MAP7: variants seen among roughly 807,000 people sequenced by gnomAD.
The protein encoded by MAP7 is microtubule associated protein 7.
Under a neutral mutation model 94.8 loss-of-function variants are expected in MAP7, and 52 were observed. The ratio of observed to expected loss-of-function variants is 0.55; its 90% CI spans 0.44 to 0.69. MAP7 has a LOEUF of 0.69. Ranked by LOEUF, MAP7 falls within the 30% of genes least tolerant of loss-of-function variation. MAP7 has a pLI of 0.00. For missense variants in MAP7, 940 were observed against 964.6 expected (o/e 0.97, Z 0.34); for synonymous variants, 350 against 357.0 (o/e 0.98, Z 0.22).
intron 1 of MAP7, among the ~76,000 whole-genome samples, chr6:136,434,749 A>C (rs912914989): frequency 6.6e-6 from 1 of 152,218 alleles, no homozygotes; most frequent in African/African-American, 2.4e-5. Flanking sequence ...CCAGTCTGAA[A>C]AACACCAAAA....
intron 1 of MAP7, among the ~76,000 whole-genome samples, chr6:136,493,390 T>C (rs1817290705): frequency 6.6e-6 from 1 of 152,104 alleles, no homozygotes; most frequent in Non-Finnish European, 1.5e-5. Flanking sequence ...TCCAAAGTGC[T>C]GGGATTACAG....
intron 11 of MAP7, among the ~76,000 whole-genome samples, chr6:136,361,474 T>C (rs929775580): frequency 1.3e-5 from 2 of 152,328 alleles, no homozygotes; most frequent in Non-Finnish European, 1.5e-5. Flanking sequence ...CTCTGACTTG[T>C]TTAATTCAAA....
chr6:136,530,543 C>T (rs1244956554), intron 1 of MAP7, among the ~76,000 whole-genome samples: 1 of 123,614 alleles, frequency 8.1e-6, no homozygotes, highest in Middle Eastern at 3.6e-3. Context: ...TGGAATCAAA[C>T]AACCACTAAG....
intron 1 of MAP7, among the ~76,000 whole-genome samples, chr6:136,496,497 A>G (rs1818265058): frequency 6.6e-6 from 1 of 151,782 alleles, no homozygotes; most frequent in South Asian, 2.1e-4. Context: ...ATTCCACAAG[A>G]TCCTATCAAT....
At chr6:136,508,461 T>C (rs1822252477) in intron 1 of MAP7, among the ~76,000 whole-genome samples, 1 of 152,178 alleles carries the variant, frequency 6.6e-6, no homozygotes, top group Non-Finnish European at 1.5e-5. Context: ...ATAAAGAAAT[T>C]AATTTTTTTA....
chr6:136,460,173 G>A (rs1804713130), intron 1 of MAP7, among the ~76,000 whole-genome samples: 1 of 152,080 alleles, frequency 6.6e-6, no homozygotes, highest in South Asian at 2.1e-4. Flanking sequence ...TAGTCAATGG[G>A]GGACTATTCC....
At chr6:136,531,980 TAGAC>T (rs141382919) in intron 1 of MAP7, among the ~76,000 whole-genome samples, 3,673 of 152,294 alleles carry the variant, frequency 0.024, 154 homozygotes, top group African/African-American at 0.083. Flanking sequence ...GAGCTATACT[TAGAC>T]AGGATACAGC....
intron 1 of MAP7, among the ~76,000 whole-genome samples, chr6:136,534,104 C>T (rs1175570811): frequency 6.6e-6 from 1 of 152,122 alleles, no homozygotes; most frequent in Admixed American, 6.5e-5. Flanking sequence ...TGTTAATTTT[C>T]TTCTTGAGGG....
intron 6 of MAP7, among the ~76,000 whole-genome samples, chr6:136,381,975 T>C (rs988648122): frequency 6.8e-6 from 1 of 146,534 alleles, no homozygotes; most frequent in African/African-American, 2.6e-5. Flanking sequence ...AGGACACCCA[T>C]GAAGGTGAGA....
At chr6:136,412,296 A>G (rs541310579) in intron 2 of MAP7, among the ~76,000 whole-genome samples, 2 of 152,246 alleles carry the variant, frequency 1.3e-5, no homozygotes, top group South Asian at 2.1e-4. Flanking sequence ...AAATCACTGA[A>G]CATCTACTGT....
rs534358269 is a variant in MAP7, at chr6:136,419,725, C to T, written c.166+1976G>A. ...ATGAATAACAAAGCATATTTGCCTGCGCACCACTGCCTTTTCCCTTTCCTT... is the reference window on the plus strand; with the variant it reads ...ATGAATAACAAAGCATATTTGCCTGTGCACCACTGCCTTTTCCCTTTCCTT... On this transcript the variant is annotated intron_variant, in intron 2 of 17. Transcript: ENST00000354570. 5.6e-4 allele frequency: 109 copies of T among 193,408 alleles called. No homozygotes were observed. The South Asian group carries it at 9.0e-3, about 16-fold the overall frequency. The allele number at this position is 193,408 out of a possible 1,614,324, so 12.0% of individuals were successfully genotyped here. A position where few individuals can be genotyped will look rare whatever the true frequency, so the allele number is the denominator to read the frequency against.
chr6:136,541,974 A>T (rs1407091058), intron 1 of MAP7, among the ~76,000 whole-genome samples: 1 of 152,114 alleles, frequency 6.6e-6, no homozygotes, highest in African/African-American at 2.4e-5. Context: ...CACAAGAATC[A>T]TTTGAACCTG....
At position 136,376,350 on chromosome 6, in the gene MAP7, C is replaced by T. The variant is rs9376183; in HGVS notation, c.751+1405G>A. Among the ~76,000 whole-genome samples, 262 of 152,304 alleles carry T rather than the reference C, an allele frequency of 1.7e-3. 5 individuals are homozygous for T. In the East Asian group the frequency reaches 0.045, roughly 26 times the overall value. ...CCTGACCTCAACGATCTGCCCACCT[C>T]GGCCTCCCAAAGTGCTGGGATTACA... is the stretch of plus-strand genomic sequence containing the variant. On this transcript the variant is annotated intron_variant, in intron 7 of 17. Transcript: ENST00000354570.
chr6:136,382,316 A>C (rs986171599), intron 6 of MAP7, among the ~76,000 whole-genome samples: 5 of 152,228 alleles, frequency 3.3e-5, no homozygotes, highest in Non-Finnish European at 7.3e-5. Flanking sequence ...AAGATAATAA[A>C]GTTTTAAAGA....
chr6:136,440,940 A>G (rs1797676313), intron 1 of MAP7, among the ~76,000 whole-genome samples: 1 of 152,124 alleles, frequency 6.6e-6, no homozygotes, highest in African/African-American at 2.4e-5. Context: ...CAACAAGATC[A>G]TGCGGCACCT....
intron 15 of MAP7, among the ~76,000 whole-genome samples, chr6:136,358,857 C>G (rs928420826): frequency 3.9e-5 from 6 of 152,184 alleles, no homozygotes; most frequent in Non-Finnish European, 7.3e-5. Context: ...GAATCAGGAG[C>G]TGGGGGACCG....
Position 136,388,523 on chromosome 6 carries a change from A to G in MAP7, c.409-13T>C, listed in dbSNP as rs374114337. ...CTTCGTGGCGTTCCTTAGATGGAAT[A>G]GAAGAGCTGAGGATTAGATTCCAGC... On this transcript the variant is annotated splice_polypyrimidine_tract_variant and intron_variant, in intron 4 of 17. Transcript: ENST00000354570. 48 of 1,601,260 alleles carry G rather than the reference A, an allele frequency of 3.0e-5. No individual in the cohort carries two copies. In the African/African-American group the frequency reaches 4.8e-4, roughly 16 times the overall value.
chr6:136,507,217 G>C (rs1217959021), intron 1 of MAP7, among the ~76,000 whole-genome samples: 1 of 151,962 alleles, frequency 6.6e-6, no homozygotes, highest in Non-Finnish European at 1.5e-5. Context: ...ATGTACTTAA[G>C]CGGGGGTCAA....
chr6:136,466,118 A>G (rs1388718067), intron 1 of MAP7, among the ~76,000 whole-genome samples: 2 of 152,212 alleles, frequency 1.3e-5, no homozygotes. Context: ...CATATCATGA[A>G]AATGAGAGCA....
Sources: gnomAD v4.1 joint callset for allele counts (sites outside exome capture counted in the v4.1 genomes callset) on GRCh38, gnomAD v4.1.1 for gene constraint, MANE v1.5 for transcripts, NCBI Gene and HGNC (gene_info 2026-07-23, HGNC 2026-07-21) for gene names.